Variants in PRKCI observed in about 807,000 individuals in gnomAD.
PRKCI encodes the protein protein kinase C iota type.
A neutral mutation model predicts 84.0 loss-of-function variants in PRKCI; 43 were observed. That is an observed-to-expected ratio of 0.51 (90% CI 0.40 to 0.66). The LOEUF is 0.66. PRKCI is among the 30% of genes least tolerant of loss of function. PRKCI has a pLI of 0.00. For synonymous variants in PRKCI, 216 were observed against 234.4 expected, an observed-to-expected ratio of 0.92 and a Z score of 0.72; for missense variants, 459 against 745.6, an observed-to-expected ratio of 0.62 and a Z score of 4.48.
intron 1 of PRKCI, among the ~76,000 whole-genome samples, chr3:170,234,711 A>G (rs966062255): frequency 1.3e-5 from 2 of 152,204 alleles, no homozygotes; most frequent in Non-Finnish European, 2.9e-5. Flanking sequence ...TTGTCATTAA[A>G]ATAAGCTATT....
chr3:170,238,963 G>A (rs1307509732), intron 2 of PRKCI, among the ~76,000 whole-genome samples: 1 of 152,070 alleles, frequency 6.6e-6, no homozygotes, highest in East Asian at 1.9e-4. Context: ...TTGAACTCTG[G>A]CCTTAAGTGA....
At chr3:170,279,503 G>A (rs1404411754) in intron 8 of PRKCI, among the ~76,000 whole-genome samples, 1 of 152,118 alleles carries the variant, frequency 6.6e-6, no homozygotes, top group Non-Finnish European at 1.5e-5. Context: ...TCCATTGTGT[G>A]CTGATGATTT....
chr3:170,250,432 A>T, intron 2 of PRKCI, among the ~76,000 whole-genome samples: 2 of 55,090 alleles, frequency 3.6e-5, no homozygotes, highest in Non-Finnish European at 6.5e-5. Flanking sequence ...TTCATTACCA[A>T]CCCCCCCCCC....
At chr3:170,246,000 G>A (rs561077879) in intron 2 of PRKCI, among the ~76,000 whole-genome samples, 1 of 136,396 alleles carries the variant, frequency 7.3e-6, no homozygotes, top group South Asian at 2.3e-4. Flanking sequence ...TGTCACCCAG[G>A]CTGGAATGCA....
intron 3 of PRKCI, among the ~76,000 whole-genome samples, chr3:170,262,945 C>T (rs1262704514): frequency 6.6e-6 from 1 of 150,398 alleles, no homozygotes; most frequent in Admixed American, 6.6e-5. Flanking sequence ...CCGAGACAGG[C>T]GGATCATGAG....
At chr3:170,276,380 TGTTA>T (rs1369326033) in intron 8 of PRKCI, among the ~76,000 whole-genome samples, 1 of 152,240 alleles carries the variant, frequency 6.6e-6, no homozygotes, top group Non-Finnish European at 1.5e-5. Context: ...TGAAGAAACC[TGTTA>T]GTCACCTATT....
chr3:170,255,719 T>A (rs1733568881), intron 2 of PRKCI, among the ~76,000 whole-genome samples: 1 of 152,212 alleles, frequency 6.6e-6, no homozygotes, highest in Non-Finnish European at 1.5e-5. Context: ...AAAGTGGGCA[T>A]CCTTGTCTTG....
Position 170,280,396 on chromosome 3 carries a change from A to T in PRKCI, c.875A>T (p.Asp292Val). 1 of 1,612,774 alleles carries T rather than the reference A, an allele frequency of 6.2e-7. No individual in the cohort carries two copies. Among genetic ancestry groups the T allele is most frequent in the Non-Finnish European group, 8.5e-7 (1 of 1,179,096 alleles). Residue 292 changes from aspartate (D) to valine (V), a missense_variant, in exon 9 of 18, where the codon GAT becomes GTT. Physicochemically the swap from Asp to Val is radical, Grantham distance 152. This residue lies in a region of PRKCI where 209 missense variants were observed against 425.9 expected (regional missense o/e 0.49). Coordinates refer to ENST00000295797, the MANE Select transcript of PRKCI (RefSeq NM_002740.6). ...GTTGTGAAAAAAGAGCTTGTTAATGATGATGAGGTAAGCACTGCATATTTT... is the reference window on the plus strand; with the variant it reads ...GTTGTGAAAAAAGAGCTTGTTAATGTTGATGAGGTAAGCACTGCATATTTT... ...MKVVKKELVNDDEDIDWVQTE... is the reference protein window; with the variant it reads ...MKVVKKELVNVDEDIDWVQTE...
At chr3:170,295,073 G>T (rs543819783) in intron 14 of PRKCI, among the ~76,000 whole-genome samples, 76 of 151,998 alleles carry the variant, frequency 5.0e-4, no homozygotes, top group African/African-American at 1.8e-3. Context: ...TTAGCTGGGC[G>T]TCGTGGCGGG....
At chr3:170,263,477 G>C (rs779976743) in intron 4 of PRKCI, 48 bp downstream of exon 4, 1 of 1,459,052 alleles carries the variant, frequency 6.9e-7, no homozygotes, top group South Asian at 1.2e-5. Flanking sequence ...ACTATGCTAT[G>C]GTACAAGTGA....
intron 1 of PRKCI, among the ~76,000 whole-genome samples, chr3:170,229,815 C>A (rs558973214): frequency 6.6e-6 from 1 of 152,148 alleles, no homozygotes. Context: ...GCCTTATATT[C>A]CCATTGCATG....
intron 2 of PRKCI, among the ~76,000 whole-genome samples, chr3:170,250,443 C>CCG (rs1553838865): frequency 2.9e-5 from 3 of 104,526 alleles, no homozygotes; most frequent in African/African-American, 1.1e-4. Flanking sequence ...CCCCCCCCCC[C>CCG]CAAAAAAAAA....
chr3:170,230,945 AT>A (rs1372031931), intron 1 of PRKCI, among the ~76,000 whole-genome samples: 1 of 145,852 alleles, frequency 6.9e-6, no homozygotes, highest in Non-Finnish European at 1.5e-5. Context: ...TTGATTCATT[AT>A]TTAATTTTTT....
intron 2 of PRKCI, 132 bp from the exon 3 acceptor site, chr3:170,259,837 T>A (rs1344261963): frequency 4.5e-6 from 2 of 448,278 alleles, no homozygotes; most frequent in Non-Finnish European, 7.9e-6. Context: ...TAAATAAATA[T>A]TTGTCCTTGT....
chr3:170,298,301 C>A (rs980694776), intron 16 of PRKCI, among the ~76,000 whole-genome samples: 46 of 151,956 alleles, frequency 3.0e-4, no homozygotes, highest in Non-Finnish European at 5.1e-4. Flanking sequence ...GTGTAGCTCA[C>A]GACAGCCTTG....
rs1431398662 is a variant in PRKCI at position 170,305,591 on chromosome 3, T to C, written c.*2464T>C. On this transcript the variant is annotated 3_prime_UTR_variant, in exon 18 of 18. Transcript: ENST00000295797. ...TTTAACTAATAAGATTTACGGTGTG[T>C]ATTTTATACAGAAATGCATTATAAA... 6.6e-6 allele frequency: 1 copy of C among 152,208 alleles called. No individual in the cohort carries two copies. Among genetic ancestry groups the C allele is most frequent in the East Asian group, 1.9e-4 (1 of 5,202 alleles). The allele number at this position is 152,208 out of a possible 1,614,324, so 9.4% of individuals were successfully genotyped here.
chr3:170,250,441 C>A (rs907624067), intron 2 of PRKCI, among the ~76,000 whole-genome samples: 2 of 107,688 alleles, frequency 1.9e-5, no homozygotes, highest in African/African-American at 7.2e-5. Flanking sequence ...AACCCCCCCC[C>A]CCCAAAAAAA....
intron 8 of PRKCI, among the ~76,000 whole-genome samples, chr3:170,275,827 A>G (rs1275218732): frequency 1.3e-5 from 2 of 151,914 alleles, no homozygotes; most frequent in African/African-American, 4.8e-5. Flanking sequence ...AACCATTTCT[A>G]GTTATGTCCA....
At chr3:170,268,108 C>A in intron 5 of PRKCI, 108 bp downstream of exon 5, 3 of 809,076 alleles carry the variant, frequency 3.7e-6, no homozygotes, top group East Asian at 5.7e-5. Flanking sequence ...CTTTTAAATA[C>A]ATAAGTAGCA....
Sources: allele counts gnomAD v4.1 joint callset (sites outside exome capture counted in the v4.1 genomes callset), GRCh38; gene constraint gnomAD v4.1.1; regional missense constraint gnomAD v4.1.1; transcripts MANE v1.5; gene names NCBI Gene and HGNC (gene_info 2026-07-23, HGNC 2026-07-21).